The following MTIF2 variants were observed in gnomAD, a reference collection of about 807,000 sequenced individuals.
MTIF2 encodes translation initiation factor IF-2, mitochondrial.
MTIF2 carries 71 observed loss-of-function variants against 83.5 expected under a neutral mutation model. The ratio of observed to expected loss-of-function variants is 0.85; its 90% CI spans 0.70 to 1.04. MTIF2 has a LOEUF of 1.04. Among genes scored for constraint, MTIF2 ranks in the 50% least tolerant of loss-of-function variants. The pLI is 0.00. For missense variants in MTIF2, 957 were observed against 846.5 expected (o/e 1.13, Z -1.62); for synonymous variants, 319 against 287.1 (o/e 1.11, Z -1.12).
intron 8 of MTIF2, among the ~76,000 whole-genome samples, chr2:55,250,371 C>T (rs952676851): frequency 2.6e-5 from 4 of 151,576 alleles, no homozygotes; most frequent in African/African-American, 7.3e-5. Context: ...AAAGGCCTAT[C>T]CTTAAACCTA....
rs1040607731 is a variant in MTIF2, at chr2:55,254,549, T to C, written c.503+105A>G. 4 of 969,162 alleles carry C rather than the reference T, an allele frequency of 4.1e-6. No individual in the cohort carries two copies. In the African/African-American group the frequency reaches 5.0e-5, roughly 12 times the overall value. The allele number at this position is 969,162 out of a possible 1,614,324, so 60.0% of individuals were successfully genotyped here. On this transcript the variant is annotated intron_variant, in intron 6 of 15. Coordinates refer to ENST00000263629, the MANE Select transcript of MTIF2 (RefSeq NM_002453.3). Reference sequence around the variant, plus strand: ...GTACTTCGAAGTTTATACACACATATCTTTATTACAAAAGAAATTTTAAAG... The same window carrying C: ...GTACTTCGAAGTTTATACACACATACCTTTATTACAAAAGAAATTTTAAAG...
chr2:55,246,121 T>C (rs1244008271), intron 10 of MTIF2, among the ~76,000 whole-genome samples: 1 of 152,224 alleles, frequency 6.6e-6, no homozygotes, highest in Non-Finnish European at 1.5e-5. Context: ...ATATGACTAG[T>C]AGATGTACAT....
At position 55,263,864 on chromosome 2, in the gene MTIF2, T is replaced by C; in HGVS notation, c.-6A>G. On this transcript the variant is annotated splice_region_variant and 5_prime_UTR_variant, in exon 4 of 16. Transcript: ENST00000263629. ...TTCAGTAGCTTCTGGTTCATGTTTC[T>C]CCTGGGGAAAAAAAAAAGGTTTTAA... is the stretch of plus-strand genomic sequence containing the variant. 3 of 1,590,512 alleles carry C rather than the reference T, an allele frequency of 1.9e-6. No individual in the cohort carries two copies. The highest frequency in any genetic ancestry group is 2.6e-6 in the Non-Finnish European group (3 of 1,171,086).
At chr2:55,237,557 G>T in intron 14 of MTIF2, 129 bp from the exon 15 acceptor site, 1 of 777,790 alleles carries the variant, frequency 1.3e-6, no homozygotes, top group Non-Finnish European at 1.8e-6. Flanking sequence ...AAAAAAGTCT[G>T]GGTTTCTTTA....
chr2:55,249,495 T>G lies in MTIF2; in HGVS notation c.881A>C (p.Glu294Ala), dbSNP rs751349965. The G allele has an allele frequency of 2.5e-6, 4 of 1,614,124 alleles. No homozygotes were observed. The East Asian group carries it at 8.9e-5, about 36-fold the overall frequency. The change falls in exon 9 of 16, where the codon GAG becomes GCG. Residue 294 changes from glutamate to alanine, a missense_variant. By Grantham distance (107) the Glu-to-Ala change is moderately radical. Around this residue, in one of 3 missense-constraint regions of MTIF2, gnomAD observed 733 missense variants for 648.7 expected, o/e 1.13. Transcript: ENST00000263629. Reference sequence around the variant, plus strand: ...TTTTTTCACTTTCTCAGGATCAGCCTCAGCTTTGTCACATTTATTTACGGC... The same window carrying G: ...TTTTTTCACTTTCTCAGGATCAGCCGCAGCTTTGTCACATTTATTTACGGC... ...ILAVNKCDKA[E>A]ADPEKVKKEL... is the part of the protein sequence containing the mutation.
rs1392238531 is a variant in MTIF2, at chr2:55,249,435, T to A, written c.941A>T (p.Tyr314Phe). ...LLAYDVVCED[Y>F]GGDVQAVPVS... is the part of the protein sequence containing the mutation. Reference sequence around the variant, plus strand: ...AGGCACTGCTTGAACATCACCTCCATAATCTTCACATACCACATCGTAAGC... The same window carrying A: ...AGGCACTGCTTGAACATCACCTCCAAAATCTTCACATACCACATCGTAAGC... Residue 314 changes from tyrosine to phenylalanine, a missense_variant, in exon 9 of 16, where the codon TAT becomes TTT. Physicochemically the swap from Tyr to Phe is conservative, Grantham distance 22 (BLOSUM62 3). This residue lies in a region of MTIF2 where 733 missense variants were observed against 648.7 expected (regional missense o/e 1.13). Transcript: ENST00000263629. 3 of 1,614,180 alleles carry A rather than the reference T, an allele frequency of 1.9e-6. No individual in the cohort carries two copies. In the Admixed American group the frequency reaches 5.0e-5, roughly 27 times the overall value.
In MTIF2 at chr2:55,249,518, G is replaced by A. The variant is rs373839804; in HGVS notation, c.858C>T (p.Ala286=). The change falls in exon 9 of 16, where the codon GCC becomes GCT. Residue 286 remains alanine (A), a synonymous_variant. Transcript: ENST00000263629. Reference sequence around the variant, plus strand: ...CCTCAGCTTTGTCACATTTATTTACGGCAAGGATAATAGGAACTGAAAGAA... The same window carrying A: ...CCTCAGCTTTGTCACATTTATTTACAGCAAGGATAATAGGAACTGAAAGAA... ...AKDAQVPIIL[A]VNKCDKAEAD... is the part of the protein sequence containing the mutation. 26 of 1,613,734 alleles carry A rather than the reference G, an allele frequency of 1.6e-5. No individual in the cohort carries two copies. The highest frequency in any genetic ancestry group is 4.5e-5 in the East Asian group (2 of 44,862).
At chr2:55,249,255 C>A (rs181088667) in intron 9 of MTIF2, 140 bp downstream of exon 9, 3 of 1,048,088 alleles carry the variant, frequency 2.9e-6, no homozygotes, top group Non-Finnish European at 4.1e-6. Flanking sequence ...AAGATAATAC[C>A]ATCTTTGCCT....
At chr2:55,259,566 TA>T (rs1488460535) in intron 5 of MTIF2, among the ~76,000 whole-genome samples, 1 of 151,726 alleles carries the variant, frequency 6.6e-6, no homozygotes, top group Non-Finnish European at 1.5e-5. Context: ...ATGGATAAAA[TA>T]AAATATCTGT....
In MTIF2 at chr2:55,253,793, T is replaced by G. The variant is rs2864825; in HGVS notation, c.664+248A>C. On this transcript the variant is annotated intron_variant, in intron 7 of 15. Transcript: ENST00000263629. ...TTGCACCACTGCACTCCAGCCTGGGTGACAGAGTGAGACTCTGTCTCAAAA... is the reference window on the plus strand; with the variant it reads ...TTGCACCACTGCACTCCAGCCTGGGGGACAGAGTGAGACTCTGTCTCAAAA... Among the ~76,000 whole-genome samples the G allele has an allele frequency of 7.7e-4, 13 of 16,964 alleles. No homozygotes were observed. In the South Asian group the frequency reaches 0.02, roughly 26 times the overall value. The allele number at this position is 16,964 out of a possible 152,430, so 11.1% of individuals were successfully genotyped here. A position where few individuals can be genotyped will look rare whatever the true frequency, so the allele number is the denominator to read the frequency against.
chr2:55,266,081 G>A (rs1262397132), intron 3 of MTIF2, among the ~76,000 whole-genome samples: 1 of 151,916 alleles, frequency 6.6e-6, no homozygotes, highest in Non-Finnish European at 1.5e-5. Flanking sequence ...GGCAGCGGGG[G>A]TCCTGGAACC....
chr2:55,239,831 G>C (rs903249267), intron 14 of MTIF2, among the ~76,000 whole-genome samples, 180 bp downstream of exon 14: 23 of 152,186 alleles, frequency 1.5e-4, no homozygotes, highest in African/African-American at 5.3e-4. Flanking sequence ...GGCACAATGT[G>C]TTACACAGGG....
intron 4 of MTIF2, among the ~76,000 whole-genome samples, chr2:55,263,049 G>C (rs374346482): frequency 3.3e-5 from 5 of 151,892 alleles, no homozygotes. Flanking sequence ...TTTTAGTAGT[G>C]ATGGGGTTTC....
At chr2:55,253,045 C>A (rs1017524590) in intron 7 of MTIF2, among the ~76,000 whole-genome samples, 4 of 152,174 alleles carry the variant, frequency 2.6e-5, no homozygotes, top group Non-Finnish European at 5.9e-5. Context: ...CAGTAGCTCA[C>A]GATTTGAGTC....
chr2:55,249,355 T>C (rs1676925434), intron 9 of MTIF2, 40 bp downstream of exon 9: 10 of 1,608,172 alleles, frequency 6.2e-6, no homozygotes, highest in South Asian at 4.4e-5. Context: ...ATGTACAGCA[T>C]TCCCATCCAG....
chr2:55,252,558 T>C lies in MTIF2; in HGVS notation c.760A>G (p.Ile254Val), dbSNP rs780783851. The C allele has an allele frequency of 3.5e-5, 57 of 1,614,018 alleles. No homozygotes were observed. Among genetic ancestry groups the C allele is most frequent in the Non-Finnish European group, 4.7e-5 (56 of 1,179,996 alleles). ...MRARGAQVTD[I>V]VVLVVAADDG... ...TCTGCAGCTACAACCAATACGACAA[T>C]GTCAGTGACCTGAGCACCTCTGGCT... The change falls in exon 8 of 16, where the codon ATT (isoleucine) becomes GTT (valine). Residue 254 changes from isoleucine (I) to valine (V), a missense_variant. By Grantham distance (29) the Ile-to-Val change is conservative. This residue lies in a region of MTIF2 where 733 missense variants were observed against 648.7 expected (regional missense o/e 1.13). Transcript: ENST00000263629.
intron 5 of MTIF2, among the ~76,000 whole-genome samples, chr2:55,259,192 T>C (rs191541190): frequency 6.6e-6 from 1 of 152,264 alleles, no homozygotes; most frequent in Non-Finnish European, 1.5e-5. Flanking sequence ...GTGTCCAACA[T>C]ATTGCAACAA....
chr2:55,237,961 ATTC>A (rs1573844320), intron 14 of MTIF2, among the ~76,000 whole-genome samples: 1 of 151,798 alleles, frequency 6.6e-6, no homozygotes, highest in South Asian at 2.1e-4. Context: ...ATCTTTGCCT[ATTC>A]TTGTCTGCTC....
At chr2:55,259,701 TG>T (rs1677813300) in intron 5 of MTIF2, among the ~76,000 whole-genome samples, 1 of 152,230 alleles carries the variant, frequency 6.6e-6, no homozygotes, top group Non-Finnish European at 1.5e-5. Flanking sequence ...TCCTAGCATT[TG>T]GAAGGCTAAG....
Sources: allele counts gnomAD v4.1 joint callset (sites outside exome capture counted in the v4.1 genomes callset), GRCh38; gene constraint gnomAD v4.1.1; regional missense constraint gnomAD v4.1.1; transcripts MANE v1.5; gene names NCBI Gene and HGNC (gene_info 2026-07-23, HGNC 2026-07-21).